The following GOLGA4 variants were observed in gnomAD, a reference collection of about 807,000 sequenced individuals.
The protein encoded by GOLGA4 is golgin subfamily A member 4.
In GOLGA4, 169 loss-of-function variants were observed where a neutral mutation model predicts 265.9. The ratio of observed to expected loss-of-function variants is 0.64; its 90% CI spans 0.56 to 0.72. The LOEUF (loss-of-function observed/expected upper bound fraction) is 0.72. Ranked by LOEUF, GOLGA4 falls within the 30% of genes least tolerant of loss-of-function variation. GOLGA4 has a pLI of 0.00. For synonymous variants in GOLGA4, 923 were observed against 855.8 expected (o/e 1.08, Z -1.37); for missense variants, 2,482 against 2,483.4 (o/e 1.00, Z 0.01).
intron 2 of GOLGA4, among the ~76,000 whole-genome samples, chr3:37,260,957 A>C (rs181503089): frequency 4.5e-4 from 68 of 151,658 alleles, no homozygotes; most frequent in Admixed American, 1.5e-3. Context: ...GCTTGAACCC[A>C]GGAGTTGGAG....
At chr3:37,310,852 C>T (rs772842736) in intron 10 of GOLGA4, among the ~76,000 whole-genome samples, 2 of 151,850 alleles carry the variant, frequency 1.3e-5, no homozygotes, top group African/African-American at 4.8e-5. Flanking sequence ...TGATGTGTGC[C>T]GTGACTGTGG....
intron 10 of GOLGA4, among the ~76,000 whole-genome samples, chr3:37,314,795 A>G (rs1458068174): frequency 6.6e-6 from 1 of 152,172 alleles, no homozygotes; most frequent in Non-Finnish European, 1.5e-5. Flanking sequence ...ATACTGTTGA[A>G]TCAGGTAAAG....
chr3:37,273,467 T>A, intron 2 of GOLGA4: 1 of 820,170 alleles, frequency 1.2e-6, no homozygotes, highest in South Asian at 1.5e-5. Flanking sequence ...ACATGGGCTT[T>A]ATTCTTAACA....
rs769548341 is a variant in GOLGA4 at position 37,337,696 on chromosome 3, A to T, written c.6358A>T (p.Ser2120Cys). Residue 2120 changes from serine (S) to cysteine (C), a missense_variant, in exon 19 of 24, where the codon AGT (serine) becomes TGT (cysteine). Physicochemically the swap from Ser to Cys is moderately radical, Grantham distance 112 (BLOSUM62 -1). This residue lies in a region of GOLGA4 where 942 missense variants were observed against 983.1 expected (regional missense o/e 0.96). Transcript: ENST00000361924. ...TQLAQKTTLI[S>C]DSKLKEQEFR... ...GCTAGCACAGAAGACGACTTTAATC[A>T]GTGATTCGAAATTGAAAGAGCAAGA... 1.1e-5 allele frequency: 17 copies of T among 1,612,026 alleles called. No individual in the cohort carries two copies. Among genetic ancestry groups the T allele is most frequent in the Non-Finnish European group, 1.4e-5 (16 of 1,178,040 alleles).
In GOLGA4 at chr3:37,315,046, A is replaced by T. The variant is rs751436189; in HGVS notation, c.1235-374A>T. 7.8e-4 allele frequency among the ~76,000 whole-genome samples: 119 copies of T among 152,242 alleles called. 1 individual carries two copies. The highest frequency in any genetic ancestry group is 9.8e-4 in the Non-Finnish European group (67 of 68,046). ...TTATTGATGATAAGAACTTTAGAGCAAACGAAAAACAATTGAAATTATACA... is the reference window on the plus strand; with the variant it reads ...TTATTGATGATAAGAACTTTAGAGCTAACGAAAAACAATTGAAATTATACA... On this transcript the variant is annotated intron_variant, in intron 10 of 23. Transcript: ENST00000361924.
In GOLGA4 at chr3:37,328,417, CAGG is replaced by C; in HGVS notation, c.5944_5946del (p.Glu1982del). ...TAACGGTACATTTTTATTACTCAGA[CAGG>C]AGCAGGAAGATCTTGAACTGAAGCA... is the stretch of plus-strand genomic sequence containing the variant. On this transcript the variant is annotated inframe_deletion and splice_region_variant, in exon 15 of 24. Transcript: ENST00000361924. 1.9e-6 allele frequency: 3 copies of C among 1,611,146 alleles called. No individual in the cohort carries two copies. The highest frequency in any genetic ancestry group is 2.5e-6 in the Non-Finnish European group (3 of 1,178,622).
In GOLGA4 at chr3:37,324,668, A is replaced by G; in HGVS notation, c.2782A>G (p.Thr928Ala). 6.2e-7 allele frequency: 1 copy of G among 1,612,800 alleles called. No individual in the cohort carries two copies. The highest frequency in any genetic ancestry group is 8.5e-7 in the Non-Finnish European group (1 of 1,179,460). The change falls in exon 14 of 24, where the codon ACA (threonine) becomes GCA (alanine). Residue 928 changes from threonine (T) to alanine (A), a missense_variant. By Grantham distance (58) the Thr-to-Ala change is moderately conservative. This residue lies in a region of GOLGA4 where 1,536 missense variants were observed against 1,483.7 expected (regional missense o/e 1.04). Transcript: ENST00000361924. ...ACAGAAGAAAGAAATTGAGATACTC[A>G]CACAGAAATTGTCAGCCAAGGAGGA... ...EGQKKEIEIL[T>A]QKLSAKEDSI...
Position 37,298,979 on chromosome 3 carries a change from G to A in GOLGA4, c.961G>A (p.Glu321Lys). Residue 321 changes from glutamate (E) to lysine (K), a missense_variant, in exon 8 of 24, where the codon GAA (glutamate) becomes AAA (lysine). Glu to Lys is a moderately conservative substitution (Grantham distance 56). Coordinates refer to ENST00000361924, the MANE Select transcript of GOLGA4 (RefSeq NM_002078.5). The stretch of plus-strand genomic sequence containing the variant: ...AACTAGTGAAAAAGAAGCTCTGCAA[G>A]AACAACTGGATGAAAGACTTCAAGA... ...LLTSEKEALQEQLDERLQELE... is the reference protein window; with the variant it reads ...LLTSEKEALQKQLDERLQELE... The A allele has an allele frequency of 6.2e-7, 1 of 1,601,740 alleles. No individual in the cohort carries two copies. Among genetic ancestry groups the A allele is most frequent in the Non-Finnish European group, 8.5e-7 (1 of 1,176,980 alleles).
chr3:37,287,845 T>A (rs1189758263), intron 4 of GOLGA4, among the ~76,000 whole-genome samples: 2 of 152,198 alleles, frequency 1.3e-5, no homozygotes, highest in Non-Finnish European at 2.9e-5. Flanking sequence ...TCATACTCCC[T>A]TGGTCATAGG....
intron 21 of GOLGA4, among the ~76,000 whole-genome samples, chr3:37,348,864 G>A (rs538208109): frequency 9.2e-5 from 14 of 152,290 alleles, no homozygotes; most frequent in Admixed American, 2.0e-4. Context: ...CCTAGCATAA[G>A]CATAAGCATA....
At chr3:37,343,831 A>G (rs1359414757) in intron 20 of GOLGA4, among the ~76,000 whole-genome samples, 2 of 152,152 alleles carry the variant, frequency 1.3e-5, no homozygotes, top group Non-Finnish European at 2.9e-5. Flanking sequence ...CTTACATCAA[A>G]CGTTCATGAC....
chr3:37,357,325 T>C (rs986271695), intron 22 of GOLGA4, among the ~76,000 whole-genome samples: 33 of 152,292 alleles, frequency 2.2e-4, no homozygotes, highest in Non-Finnish European at 4.7e-4. Flanking sequence ...TCAACAGTCA[T>C]CTACTCTTCT....
intron 12 of GOLGA4, among the ~76,000 whole-genome samples, chr3:37,320,799 G>C (rs914206025): frequency 2.6e-5 from 4 of 152,132 alleles, no homozygotes; most frequent in Admixed American, 1.3e-4. Context: ...ACCTGTGCCT[G>C]CCCTTTTCTT....
chr3:37,355,333 T>A, intron 22 of GOLGA4, 146 bp downstream of exon 22: 2 of 578,128 alleles, frequency 3.5e-6, no homozygotes, highest in Non-Finnish European at 6.2e-6. Context: ...GAGAGTGAAT[T>A]TACACTAAGA....
At chr3:37,257,837 A>T (rs528765511) in intron 2 of GOLGA4, among the ~76,000 whole-genome samples, 1 of 148,254 alleles carries the variant, frequency 6.7e-6, no homozygotes, top group African/African-American at 2.5e-5. Flanking sequence ...ATCCACAAAC[A>T]ACTTTCATAT....
rs1306155249 is a variant in GOLGA4, at chr3:37,326,622, G to T, written c.4736G>T (p.Arg1579Met). ...GAGTTAGGAGAAGAAAAGGACAACA[G>T]GGTTAAAGAAGCTGAAGAAAAAATC... is the stretch of plus-strand genomic sequence containing the variant. Reference protein sequence around the residue: ...FQELGEEKDNRVKEAEEKILT... With the variant: ...FQELGEEKDNMVKEAEEKILT... The change falls in exon 14 of 24, where the codon AGG becomes ATG. Residue 1579 changes from arginine (R) to methionine (M), a missense_variant. Coordinates refer to ENST00000361924, the MANE Select transcript of GOLGA4 (RefSeq NM_002078.5). The T allele has an allele frequency of 1.2e-6, 2 of 1,612,628 alleles. No homozygotes were observed. The highest frequency in any genetic ancestry group is 1.7e-4 in the Middle Eastern group (1 of 6,056).
At position 37,326,546 on chromosome 3, in the gene GOLGA4, C is replaced by T; in HGVS notation, c.4660C>T (p.Gln1554Ter). 1.9e-6 allele frequency: 3 copies of T among 1,609,318 alleles called. No individual in the cohort carries two copies. The highest frequency in any genetic ancestry group is 2.5e-6 in the Non-Finnish European group (3 of 1,177,234). ...TGAAGTTCTTAAAAATTACAATCAA[C>T]AAAAGGATATTGAACACAAAGAATT... ...LNEVLKNYNQQKDIEHKELVQ... is the reference protein window; with the variant it reads ...LNEVLKNYNQ The change falls in exon 14 of 24, where the codon CAA (glutamine) becomes TAA (stop). Residue 1554 changes from glutamine (Q) to a stop codon, truncating the protein, a stop_gained. Coordinates refer to ENST00000361924, the MANE Select transcript of GOLGA4 (RefSeq NM_002078.5). LOFTEE classifies it high-confidence loss of function.
intron 10 of GOLGA4, among the ~76,000 whole-genome samples, chr3:37,310,674 T>C (rs1353320858): frequency 6.6e-6 from 1 of 152,092 alleles, no homozygotes; most frequent in East Asian, 1.9e-4. Context: ...TGACAGAGGA[T>C]CATACTTACA....
intron 4 of GOLGA4, chr3:37,287,555 T>C (rs2096853058): frequency 6.6e-6 from 1 of 152,220 alleles, no homozygotes; most frequent in African/African-American, 2.4e-5. Context: ...TTCTAGCCTC[T>C]TTCCTGTGAA....
Sources: gnomAD v4.1 joint callset for allele counts (sites outside exome capture counted in the v4.1 genomes callset) on GRCh38, gnomAD v4.1.1 for gene constraint, gnomAD v4.1.1 regional missense constraint, MANE v1.5 for transcripts, NCBI Gene and HGNC (gene_info 2026-07-23, HGNC 2026-07-21) for gene names.